Variants in CIMIP4 observed in about 807,000 individuals in gnomAD.
The protein encoded by CIMIP4 is ciliary microtubule inner protein 4.
chr22:37,007,074 G>A, the CIMIP4 span, among the ~76,000 whole-genome samples: 1 of 152,164 alleles, frequency 6.6e-6, no homozygotes, highest in East Asian at 1.9e-4. Flanking sequence ...TGAGACTAGA[G>A]ACCCAAGCAA....
the CIMIP4 span, among the ~76,000 whole-genome samples, chr22:37,007,315 C>T: frequency 1.3e-5 from 2 of 152,204 alleles, no homozygotes; most frequent in Non-Finnish European, 2.9e-5. Context: ...TTCGGAGACA[C>T]TACTAATTTA....
the CIMIP4 span, among the ~76,000 whole-genome samples, chr22:36,994,252 G>C: frequency 2.0e-5 from 3 of 152,178 alleles, no homozygotes; most frequent in African/African-American, 7.2e-5. Flanking sequence ...GATTTGTGCA[G>C]AAATTATTAA....
the CIMIP4 span, among the ~76,000 whole-genome samples, chr22:36,996,438 CA>C: frequency 6.8e-6 from 1 of 147,090 alleles, no homozygotes; most frequent in African/African-American, 2.6e-5. Flanking sequence ...TCAACAGCAG[CA>C]AAAAAAGAGA....
chr22:36,992,025 G>T, the CIMIP4 span, among the ~76,000 whole-genome samples: 1 of 152,182 alleles, frequency 6.6e-6, no homozygotes, highest in Non-Finnish European at 1.5e-5. Context: ...AATTAGCAAA[G>T]ATTTGAATGA....
chr22:36,997,855 C>G, the CIMIP4 span, among the ~76,000 whole-genome samples: 24 of 152,246 alleles, frequency 1.6e-4, no homozygotes, highest in Non-Finnish European at 3.1e-4. Context: ...CAACCTCAAA[C>G]AGCAAGTATA....
At chr22:36,996,476 A>T in the CIMIP4 span, among the ~76,000 whole-genome samples, 1 of 149,238 alleles carries the variant, frequency 6.7e-6, no homozygotes, top group Non-Finnish European at 1.5e-5. Flanking sequence ...TAACAAAAAA[A>T]CCTGCATGAT....
At chr22:36,992,031 A>C in the CIMIP4 span, among the ~76,000 whole-genome samples, 1 of 152,222 alleles carries the variant, frequency 6.6e-6, no homozygotes, top group Non-Finnish European at 1.5e-5. Flanking sequence ...CAAAGATTTG[A>C]ATGATCAGAT....
At chr22:36,996,577 A>C in the CIMIP4 span, among the ~76,000 whole-genome samples, 4 of 152,218 alleles carry the variant, frequency 2.6e-5, no homozygotes, top group Admixed American at 1.3e-4. Context: ...TTCATATATT[A>C]GAAAATTCAT....
the CIMIP4 span, chr22:37,003,959 G>C: frequency 6.5e-7 from 1 of 1,549,716 alleles, no homozygotes; most frequent in Non-Finnish European, 8.7e-7. Flanking sequence ...TGGTCTGCCT[G>C]TCCTACCTGC....
chr22:37,002,253 C>T, the CIMIP4 span: 1 of 1,445,938 alleles, frequency 6.9e-7, no homozygotes, highest in Non-Finnish European at 9.1e-7. Context: ...GGGTCCAAGT[C>T]CTGTTGGCCC....
At chr22:36,999,965 T>G in the CIMIP4 span, 1 of 1,612,926 alleles carries the variant, frequency 6.2e-7, no homozygotes. Flanking sequence ...CTCGAAGACT[T>G]CATCAATAGC....
the CIMIP4 span, among the ~76,000 whole-genome samples, chr22:36,993,818 A>C: frequency 6.6e-6 from 1 of 152,250 alleles, no homozygotes; most frequent in African/African-American, 2.4e-5. Context: ...AGTCTATATC[A>C]GTAACGAGAA....
At chr22:36,999,715 G>T in the CIMIP4 span, 2 of 1,255,096 alleles carry the variant, frequency 1.6e-6, no homozygotes, top group East Asian at 2.4e-5. Context: ...CATGAAATAA[G>T]TGTCCTTGAA....
At chr22:36,997,876 C>G in the CIMIP4 span, among the ~76,000 whole-genome samples, 1 of 152,212 alleles carries the variant, frequency 6.6e-6, no homozygotes, top group South Asian at 2.1e-4. Context: ...AAGGCTAACC[C>G]TGGGTGGGTG....
the CIMIP4 span, chr22:36,999,932 CA>C: frequency 1.2e-6 from 2 of 1,613,960 alleles, no homozygotes; most frequent in South Asian, 2.2e-5. Context: ...CCTGCTGGGC[CA>C]TGAGCTTGCC....
chr22:36,999,729 G>T, the CIMIP4 span: 7 of 1,360,480 alleles, frequency 5.1e-6, no homozygotes, highest in Non-Finnish European at 7.0e-6. Flanking sequence ...CCTTGAAGAT[G>T]TGCCCTGGGG....
the CIMIP4 span, chr22:37,002,414 G>A: frequency 1.5e-6 from 1 of 652,132 alleles, no homozygotes. Context: ...GAAACGGACA[G>A]ACAAAGAGCC....
chr22:36,996,696 T>C, the CIMIP4 span, among the ~76,000 whole-genome samples: 5 of 152,176 alleles, frequency 3.3e-5, no homozygotes, highest in Non-Finnish European at 7.4e-5. Context: ...AACATTTGTA[T>C]GGGAGAGTAA....
At chr22:37,000,822 A>G in the CIMIP4 span, among the ~76,000 whole-genome samples, 1 of 152,188 alleles carries the variant, frequency 6.6e-6, no homozygotes, top group Non-Finnish European at 1.5e-5. Flanking sequence ...AAATTGGGAC[A>G]AGTTCCTCCA....
Sources: gnomAD v4.1 joint callset for allele counts (sites outside exome capture counted in the v4.1 genomes callset) on GRCh38, gnomAD v4.1.1 for gene constraint, MANE v1.5 for transcripts, NCBI Gene and HGNC (gene_info 2026-07-23, HGNC 2026-07-21) for gene names.